Variants in ALK observed in about 807,000 individuals in gnomAD.
ALK encodes ALK receptor tyrosine kinase.
A neutral mutation model predicts 163.1 loss-of-function variants in ALK; 74 were observed. The observed-to-expected ratio is 0.45, with a 90% CI of 0.38 to 0.55. ALK has a LOEUF of 0.55. Ranked by LOEUF, ALK falls within the 20% of genes least tolerant of loss-of-function variation. The pLI is 0.00. For missense variants in ALK, 2,063 were observed against 2,105.3 expected, an observed-to-expected ratio of 0.98 and a Z score of 0.39; for synonymous variants, 960 against 843.2, an observed-to-expected ratio of 1.14 and a Z score of -2.40.
chr2:29,842,788 C>G lies in ALK; in HGVS notation c.667+77205G>C, dbSNP rs561934498. Among the ~76,000 whole-genome samples, 3 of 152,240 alleles carry G rather than the reference C, an allele frequency of 2.0e-5. No individual in the cohort carries two copies. In the East Asian group the frequency reaches 5.8e-4, roughly 30 times the overall value. On this transcript the variant is annotated intron_variant, in intron 1 of 28. Coordinates refer to ENST00000389048, the MANE Select transcript of ALK (RefSeq NM_004304.5). ...TAACAACAGTAGTGTGTACTGAGCT[C>G]CTGGGGCTGCGCAAACATCCATTCC... is the stretch of plus-strand genomic sequence containing the variant.
At chr2:29,705,224 A>G (rs1458990522) in intron 2 of ALK, among the ~76,000 whole-genome samples, 1 of 124,212 alleles carries the variant, frequency 8.1e-6, no homozygotes, top group Admixed American at 9.7e-5. Context: ...TCTCAACAAA[A>G]AAAGAAAAGA....
chr2:29,659,569 G>C (rs1380925613), intron 3 of ALK, among the ~76,000 whole-genome samples: 1 of 152,120 alleles, frequency 6.6e-6, no homozygotes. Flanking sequence ...CTGACATTTG[G>C]GGAGGCAAAG....
At chr2:29,799,456 C>T (rs1248674495) in intron 1 of ALK, among the ~76,000 whole-genome samples, 1 of 152,004 alleles carries the variant, frequency 6.6e-6, no homozygotes, top group Non-Finnish European at 1.5e-5. Flanking sequence ...AGCTTGAGGC[C>T]CAGAGTTTGA....
chr2:29,813,273 G>T (rs888769600), intron 1 of ALK, among the ~76,000 whole-genome samples: 2 of 152,178 alleles, frequency 1.3e-5, no homozygotes, highest in Non-Finnish European at 2.9e-5. Context: ...ATTCAAAAAT[G>T]TCTTTTCCAG....
chr2:29,860,082 C>A (rs1028279766), intron 1 of ALK, among the ~76,000 whole-genome samples: 1 of 152,152 alleles, frequency 6.6e-6, no homozygotes, highest in Non-Finnish European at 1.5e-5. Flanking sequence ...GGTTAAGCAA[C>A]ATTGAGTGCT....
At chr2:29,713,418 G>T (rs917295331) in intron 2 of ALK, among the ~76,000 whole-genome samples, 17 of 152,144 alleles carry the variant, frequency 1.1e-4, no homozygotes, top group Admixed American at 9.2e-4. Flanking sequence ...ACTACCTACA[G>T]TGCCAAGGGG....
chr2:29,483,880 A>G (rs2148120177), intron 4 of ALK, among the ~76,000 whole-genome samples: 1 of 152,308 alleles, frequency 6.6e-6, no homozygotes, highest in South Asian at 2.1e-4. Context: ...GACATACCCG[A>G]GACTGGGTAA....
At chr2:29,457,343 C>A (rs770199560) in intron 4 of ALK, among the ~76,000 whole-genome samples, 2 of 152,020 alleles carry the variant, frequency 1.3e-5, no homozygotes, top group East Asian at 1.9e-4. Flanking sequence ...AGAAGTAAAC[C>A]GGAAGGGATG....
chr2:29,505,147 A>G (rs1672283455), intron 4 of ALK, among the ~76,000 whole-genome samples: 1 of 152,108 alleles, frequency 6.6e-6, no homozygotes, highest in African/African-American at 2.4e-5. Context: ...GTAAATTGAT[A>G]GCCTTTGGGC....
At chr2:29,344,514 C>T (rs961125812) in intron 5 of ALK, among the ~76,000 whole-genome samples, 1 of 152,136 alleles carries the variant, frequency 6.6e-6, no homozygotes, top group Non-Finnish European at 1.5e-5. Context: ...TGGCGATAGT[C>T]CCAGTTGAGC....
intron 4 of ALK, among the ~76,000 whole-genome samples, chr2:29,474,922 G>A (rs1322820448): frequency 6.6e-6 from 1 of 152,154 alleles, no homozygotes; most frequent in Non-Finnish European, 1.5e-5. Context: ...ACGGGGCCTG[G>A]CTGCCACACC....
At chr2:29,497,805 C>A (rs993655716) in intron 4 of ALK, among the ~76,000 whole-genome samples, 15 of 151,966 alleles carry the variant, frequency 9.9e-5, no homozygotes, top group African/African-American at 3.4e-4. Context: ...TATAACTAGT[C>A]CCTGGTCACC....
intron 26 of ALK, among the ~76,000 whole-genome samples, chr2:29,204,378 C>T (rs1342183585): frequency 6.6e-6 from 1 of 151,734 alleles, no homozygotes; most frequent in African/African-American, 2.4e-5. Flanking sequence ...TTGACTATGA[C>T]AACACCTCCG....
At chr2:29,619,334 G>A (rs1675956898) in intron 3 of ALK, among the ~76,000 whole-genome samples, 1 of 152,208 alleles carries the variant, frequency 6.6e-6, no homozygotes, top group South Asian at 2.1e-4. Flanking sequence ...GGTATCATTG[G>A]TGCTTTCACG....
At chr2:29,823,475 A>C (rs1665107589) in intron 1 of ALK, among the ~76,000 whole-genome samples, 1 of 152,190 alleles carries the variant, frequency 6.6e-6, no homozygotes, top group Admixed American at 6.5e-5. Context: ...GAACTCCCTA[A>C]AGACTTGTTG....
chr2:29,266,700 T>C (rs1665231381), intron 11 of ALK, among the ~76,000 whole-genome samples: 1 of 152,218 alleles, frequency 6.6e-6, no homozygotes, highest in Non-Finnish European at 1.5e-5. Flanking sequence ...GCCAGAACCT[T>C]GGTCTCTGGG....
chr2:29,199,429 C>T (rs1370794351), intron 26 of ALK, among the ~76,000 whole-genome samples: 1 of 151,988 alleles, frequency 6.6e-6, no homozygotes, highest in African/African-American at 2.4e-5. Flanking sequence ...TGTTTTTGCT[C>T]TCTTCTTAAA....
At chr2:29,364,824 C>T (rs369340103) in intron 5 of ALK, among the ~76,000 whole-genome samples, 6 of 152,172 alleles carry the variant, frequency 3.9e-5, no homozygotes, top group South Asian at 2.1e-4. Flanking sequence ...TTATTTTGAG[C>T]ATTGTACCAT....
chr2:29,372,701 G>A (rs980960894), intron 5 of ALK, among the ~76,000 whole-genome samples: 3 of 152,154 alleles, frequency 2.0e-5, no homozygotes, highest in African/African-American at 4.8e-5. Context: ...TCAAGTCCAC[G>A]TTTTTCTTCT....
Sources: allele counts gnomAD v4.1 joint callset (sites outside exome capture counted in the v4.1 genomes callset), GRCh38; gene constraint gnomAD v4.1.1; transcripts MANE v1.5; gene names NCBI Gene and HGNC (gene_info 2026-07-23, HGNC 2026-07-21).